The following TMEM108 variants were observed in gnomAD, a reference collection of about 807,000 sequenced individuals.
TMEM108 encodes cancer/testis antigen 124.
In TMEM108, 12 loss-of-function variants were observed where a neutral mutation model predicts 35.1. That is an observed-to-expected ratio of 0.34 (90% CI 0.22 to 0.55). The LOEUF is 0.55. Ranked by LOEUF, TMEM108 falls within the 20% of genes least tolerant of loss-of-function variation. The probability of loss-of-function intolerance (pLI) is 0.89; values close to 1 mark genes in which losing one functional copy is unlikely to be tolerated. For synonymous variants in TMEM108, 287 were observed against 308.6 expected, an observed-to-expected ratio of 0.93 and a Z score of 0.73; for missense variants, 680 against 753.3, an observed-to-expected ratio of 0.90 and a Z score of 1.14.
intron 2 of TMEM108, among the ~76,000 whole-genome samples, chr3:133,205,740 T>G (rs537741359): frequency 3.0e-4 from 46 of 152,320 alleles, no homozygotes; most frequent in Non-Finnish European, 4.7e-4. Flanking sequence ...ATTTTTTCAT[T>G]CTTTTCAACC....
chr3:133,073,514 A>C (rs200480159), intron 2 of TMEM108, among the ~76,000 whole-genome samples: 4,717 of 60,208 alleles, frequency 0.078, 122 homozygotes, highest in African/African-American at 0.13. Context: ...CTCTCTCTAT[A>C]TATATATATA....
At chr3:133,104,292 G>A (rs1353397027) in intron 2 of TMEM108, among the ~76,000 whole-genome samples, 1 of 152,148 alleles carries the variant, frequency 6.6e-6, no homozygotes, top group African/African-American at 2.4e-5. Context: ...CTCAATAAAT[G>A]TTAGCTATCT....
chr3:133,381,139 C>T lies in TMEM108; in HGVS notation c.1428C>T (p.Ile476=). 6.2e-7 allele frequency: 1 copy of T among 1,604,254 alleles called. No homozygotes were observed. The highest frequency in any genetic ancestry group is 8.5e-7 in the Non-Finnish European group (1 of 1,172,906). The change falls in exon 4 of 6, where the codon ATC becomes ATT. Residue 476 remains isoleucine, a synonymous_variant. Coordinates refer to ENST00000321871, the MANE Select transcript of TMEM108 (RefSeq NM_023943.4). ...ATATCGCCTGGGTGATCCTGGCCAT[C>T]AGCGTGCCCATCTCCTCCTGCTGTA... The part of the protein sequence containing the change: ...KMDIAWVILA[I]SVPISSCSVL...
At chr3:133,376,219 A>AT in intron 3 of TMEM108, among the ~76,000 whole-genome samples, 1 of 152,170 alleles carries the variant, frequency 6.6e-6, no homozygotes, top group Non-Finnish European at 1.5e-5. Flanking sequence ...AGTCAGGGGA[A>AT]TTTTTTTCCC....
At chr3:133,178,604 A>T (rs1434330213) in intron 2 of TMEM108, among the ~76,000 whole-genome samples, 1 of 152,248 alleles carries the variant, frequency 6.6e-6, no homozygotes, top group Non-Finnish European at 1.5e-5. Flanking sequence ...CTGGCTAGCC[A>T]TATGTAGAAA....
At chr3:133,344,734 C>CA (rs2071764998) in intron 3 of TMEM108, among the ~76,000 whole-genome samples, 1 of 151,490 alleles carries the variant, frequency 6.6e-6, no homozygotes, top group African/African-American at 2.4e-5. Flanking sequence ...TAAGGCAAAA[C>CA]AAAAAAATTT....
chr3:133,202,066 T>TC (rs1301129838), intron 2 of TMEM108, among the ~76,000 whole-genome samples: 1 of 152,256 alleles, frequency 6.6e-6, no homozygotes, highest in Admixed American at 6.5e-5. Flanking sequence ...ATGAACTTTT[T>TC]CTCGTACGTT....
chr3:133,144,234 G>A (rs956502137), intron 2 of TMEM108, among the ~76,000 whole-genome samples: 2 of 152,016 alleles, frequency 1.3e-5, no homozygotes, highest in Non-Finnish European at 2.9e-5. Context: ...TTGGTTTTCT[G>A]TTCCTGTGTT....
chr3:133,117,337 G>A (rs369182016), intron 2 of TMEM108, among the ~76,000 whole-genome samples: 95 of 152,288 alleles, frequency 6.2e-4, no homozygotes, highest in East Asian at 5.2e-3. Context: ...GTCAATCAGC[G>A]AGTAATAGAG....
At chr3:133,083,143 C>T (rs546441425) in intron 2 of TMEM108, among the ~76,000 whole-genome samples, 7 of 152,092 alleles carry the variant, frequency 4.6e-5, no homozygotes, top group South Asian at 4.2e-4. Context: ...CAAGCTGTTT[C>T]GCCTCTCAAG....
At chr3:133,176,130 A>C (rs1268059135) in intron 2 of TMEM108, among the ~76,000 whole-genome samples, 1 of 152,226 alleles carries the variant, frequency 6.6e-6, no homozygotes, top group Non-Finnish European at 1.5e-5. Context: ...AACTATCCTA[A>C]ATACATATGC....
intron 3 of TMEM108, among the ~76,000 whole-genome samples, chr3:133,244,500 T>C (rs1946357728): frequency 6.6e-6 from 1 of 152,246 alleles, no homozygotes; most frequent in Admixed American, 6.5e-5. Flanking sequence ...ATTTGTCATA[T>C]GCCCCTGGGT....
intron 3 of TMEM108, among the ~76,000 whole-genome samples, chr3:133,302,250 A>G (rs1428924443): frequency 6.6e-6 from 1 of 152,158 alleles, no homozygotes; most frequent in Admixed American, 6.5e-5. Flanking sequence ...CATCAGTGTA[A>G]CCACATGAGT....
intron 3 of TMEM108, among the ~76,000 whole-genome samples, chr3:133,299,092 A>G (rs1373709870): frequency 6.6e-6 from 1 of 152,160 alleles, no homozygotes. Flanking sequence ...AGTGTAATCT[A>G]GGAACAATAA....
In TMEM108 at chr3:133,396,771, A is replaced by G. The variant is rs549834247; in HGVS notation, c.*785A>G. On this transcript the variant is annotated 3_prime_UTR_variant, in exon 6 of 6. Coordinates refer to ENST00000321871, the MANE Select transcript of TMEM108 (RefSeq NM_023943.4). ...CGTGCCTTTCTCTTGGAGAGGGTTTAGATGCAGATCCCGGCCCTGGAGCTT... is the reference window on the plus strand; with the variant it reads ...CGTGCCTTTCTCTTGGAGAGGGTTTGGATGCAGATCCCGGCCCTGGAGCTT... The G allele has an allele frequency of 6.6e-6, 1 of 152,284 alleles. No individual in the cohort carries two copies. The highest frequency in any genetic ancestry group is 2.1e-4 in the South Asian group (1 of 4,824). 9.4% of individuals were successfully genotyped at this position (152,284 alleles called of 1,614,324 possible).
At chr3:133,177,683 A>G (rs1321234631) in intron 2 of TMEM108, among the ~76,000 whole-genome samples, 2 of 152,230 alleles carry the variant, frequency 1.3e-5, no homozygotes, top group Non-Finnish European at 2.9e-5. Context: ...AGAGCTATCT[A>G]TGACAAACCC....
chr3:133,350,761 C>T (rs1030625588), intron 3 of TMEM108, among the ~76,000 whole-genome samples: 3 of 152,074 alleles, frequency 2.0e-5, no homozygotes, highest in Non-Finnish European at 2.9e-5. Context: ...GGTGGAACTA[C>T]AGGTCAGAGA....
In TMEM108 at chr3:133,144,053, A is replaced by G. The variant is rs1015657790; in HGVS notation, c.-46-85213A>G. 4.6e-5 allele frequency among the ~76,000 whole-genome samples: 7 copies of G among 151,668 alleles called. No individual in the cohort carries two copies. In the East Asian group the frequency reaches 1.2e-3, roughly 25 times the overall value. On this transcript the variant is annotated intron_variant, in intron 2 of 5. Transcript: ENST00000321871. Reference sequence around the variant, plus strand: ...TTTGTTACATAGGTATACACATGCCATGGTGGTTTGCTGTACCCATCAACC... The same window carrying G: ...TTTGTTACATAGGTATACACATGCCGTGGTGGTTTGCTGTACCCATCAACC...
chr3:133,317,023 T>C (rs538142108), intron 3 of TMEM108, among the ~76,000 whole-genome samples: 3 of 152,228 alleles, frequency 2.0e-5, no homozygotes, highest in Admixed American at 2.0e-4. Context: ...AAAATTCCAG[T>C]GTGGCCAGGA....
Sources: allele counts gnomAD v4.1 joint callset (sites outside exome capture counted in the v4.1 genomes callset), GRCh38; gene constraint gnomAD v4.1.1; transcripts MANE v1.5; gene names NCBI Gene and HGNC (gene_info 2026-07-23, HGNC 2026-07-21).